The following TUSC3 variants were observed in gnomAD, a reference collection of about 807,000 sequenced individuals.
TUSC3 encodes tumor suppressor candidate 3.
A neutral mutation model predicts 44.8 loss-of-function variants in TUSC3; 45 were observed. The ratio of observed to expected loss-of-function variants is 1.00; its 90% confidence interval spans 0.79 to 1.29. The LOEUF is 1.29. Ranked by LOEUF, TUSC3 falls within the 50% of genes most tolerant of loss-of-function variation. TUSC3 has a pLI of 0.00. For synonymous variants in TUSC3, 212 were observed against 152.9 expected (o/e 1.39, Z -2.85); for missense variants, 519 against 437.9 (o/e 1.19, Z -1.65).
At chr8:15,665,883 C>G (rs1410381778) in intron 5 of TUSC3, among the ~76,000 whole-genome samples, 4 of 151,324 alleles carry the variant, frequency 2.6e-5, no homozygotes, top group Non-Finnish European at 5.9e-5. Flanking sequence ...GATGATTGTT[C>G]ATGGAATAGA....
downstream of TUSC3, among the ~76,000 whole-genome samples, chr8:15,768,942 A>C (rs1812395732): frequency 6.6e-6 from 1 of 152,218 alleles, no homozygotes; most frequent in Admixed American, 6.5e-5. Flanking sequence ...ACACAAATGG[A>C]AACACATTCC....
chr8:15,744,684 A>G (rs1483177418), intron 8 of TUSC3, among the ~76,000 whole-genome samples: 1 of 138,636 alleles, frequency 7.2e-6, no homozygotes, highest in Non-Finnish European at 1.6e-5. Context: ...CATCTATTGT[A>G]TTAAAGAAAC....
At chr8:15,564,331 G>T (rs192153555) in intron 1 of TUSC3, among the ~76,000 whole-genome samples, 1 of 152,138 alleles carries the variant, frequency 6.6e-6, no homozygotes. Flanking sequence ...GTGATTTCTT[G>T]TCTCATTTGA....
chr8:15,716,040 G>C (rs992112875), intron 6 of TUSC3, among the ~76,000 whole-genome samples: 1 of 152,148 alleles, frequency 6.6e-6, no homozygotes, highest in Admixed American at 6.5e-5. Context: ...CGGTTCACTT[G>C]AGATAAGGAG....
chr8:15,484,495 C>G (rs1423811148), intron 2 of TUSC3, among the ~76,000 whole-genome samples: 5 of 152,094 alleles, frequency 3.3e-5, no homozygotes, highest in Non-Finnish European at 5.9e-5. Context: ...CGAAATAATC[C>G]CATAAAAAAT....
rs560586133 is a variant in TUSC3 at position 15,760,454 on chromosome 8, C to T, written c.*46+2599C>T. Among the ~76,000 whole-genome samples the T allele has an allele frequency of 7.9e-5, 12 of 152,210 alleles. No individual in the cohort carries two copies. In the Middle Eastern group the frequency reaches 0.01, roughly 129 times the overall value. On this transcript the variant is annotated intron_variant, in intron 10 of 10. Coordinates refer to ENST00000503731, the MANE Select transcript of TUSC3 (RefSeq NM_006765.4). ...TGCCACAACTATTTTAAGTTTTATG[C>T]CATCCAGCTTTTTATGGTGTATCTT... is the stretch of plus-strand genomic sequence containing the variant.
At position 15,720,201 on chromosome 8, in the gene TUSC3, T is replaced by TATATACACACACAC. The variant is rs369753796; in HGVS notation, c.799-10464_799-10463insTATACACACACACA. On this transcript the variant is annotated intron_variant, in intron 6 of 10. Coordinates refer to ENST00000503731, the MANE Select transcript of TUSC3 (RefSeq NM_006765.4). ...TTGTTAAATATAGTGTATATATATA[T>TATATACACACACAC]ACACACACACACACACACACACACA... Among the ~76,000 whole-genome samples, 371 of 141,636 alleles carry TATATACACACACAC rather than the reference T, an allele frequency of 2.6e-3. 3 individuals carry two copies. The highest frequency in any genetic ancestry group is 9.6e-3 in the African/African-American group (356 of 37,042). The allele number at this position is 141,636 out of a possible 152,430, so 92.9% of individuals were successfully genotyped here.
chr8:15,829,618 T>C, the TUSC3 span, among the ~76,000 whole-genome samples: 2 of 152,108 alleles, frequency 1.3e-5, no homozygotes, highest in African/African-American at 2.4e-5. Flanking sequence ...TAATTTTTTA[T>C]TAGTTTATCA....
At chr8:15,534,984 G>C (rs1432234323) in intron 2 of TUSC3, among the ~76,000 whole-genome samples, 1 of 152,122 alleles carries the variant, frequency 6.6e-6, no homozygotes, top group South Asian at 2.1e-4. Flanking sequence ...TTTCAATTTT[G>C]TCTATTAAGC....
chr8:15,598,393 C>T (rs1804152780), intron 1 of TUSC3, among the ~76,000 whole-genome samples: 1 of 152,006 alleles, frequency 6.6e-6, no homozygotes, highest in South Asian at 2.1e-4. Flanking sequence ...ACACATGCGT[C>T]ATCTCCATCA....
chr8:15,809,674 TTC>T, the TUSC3 span, among the ~76,000 whole-genome samples: 1 of 152,228 alleles, frequency 6.6e-6, no homozygotes, highest in Non-Finnish European at 1.5e-5. Flanking sequence ...TGAATGTAGT[TTC>T]TCTCTCTGTC....
intron 6 of TUSC3, among the ~76,000 whole-genome samples, chr8:15,682,196 G>A (rs948458780): frequency 6.6e-6 from 1 of 152,056 alleles, no homozygotes; most frequent in African/African-American, 2.4e-5. Flanking sequence ...TTGAATTTAA[G>A]TTCAGAATTT....
intron 7 of TUSC3, among the ~76,000 whole-genome samples, chr8:15,741,809 T>TA (rs2129213598): frequency 6.6e-6 from 1 of 152,178 alleles, no homozygotes; most frequent in African/African-American, 2.4e-5. Context: ...ATATAAAAGA[T>TA]ATTGCAGAAA....
At chr8:15,457,821 T>A (rs1478653038) in intron 1 of TUSC3, among the ~76,000 whole-genome samples, 2 of 147,136 alleles carry the variant, frequency 1.4e-5, no homozygotes, top group Non-Finnish European at 3.0e-5. Flanking sequence ...TATTAGATAA[T>A]TAATTATTAA....
intron 6 of TUSC3, among the ~76,000 whole-genome samples, chr8:15,720,525 C>G (rs1323234915): frequency 6.6e-6 from 1 of 152,012 alleles, no homozygotes; most frequent in Non-Finnish European, 1.5e-5. Context: ...ATTTATCATA[C>G]TGTTGTGCTA....
chr8:15,568,005 A>G (rs1368133617), intron 1 of TUSC3, among the ~76,000 whole-genome samples: 2 of 151,984 alleles, frequency 1.3e-5, no homozygotes, highest in Admixed American at 6.6e-5. Flanking sequence ...CCCCTTTTCT[A>G]TGGCCACATT....
chr8:15,640,197 A>G (rs953769995), intron 2 of TUSC3, among the ~76,000 whole-genome samples: 2 of 152,176 alleles, frequency 1.3e-5, no homozygotes, highest in Non-Finnish European at 2.9e-5. Flanking sequence ...CATCTACATG[A>G]CCAACCTTCT....
At chr8:15,459,896 A>ATACG (rs1563256844) in intron 1 of TUSC3, among the ~76,000 whole-genome samples, 1 of 151,918 alleles carries the variant, frequency 6.6e-6, no homozygotes, top group East Asian at 1.9e-4. Flanking sequence ...ACATACATAC[A>ATACG]TACATACACA....
At chr8:15,727,662 C>A (rs1166360743) in intron 6 of TUSC3, among the ~76,000 whole-genome samples, 3 of 152,120 alleles carry the variant, frequency 2.0e-5, no homozygotes, top group African/African-American at 7.2e-5. Flanking sequence ...GTTCAGCACA[C>A]TAAGTTCACT....
Sources: gnomAD v4.1 joint callset for allele counts (sites outside exome capture counted in the v4.1 genomes callset) on GRCh38, gnomAD v4.1.1 for gene constraint, MANE v1.5 for transcripts, NCBI Gene and HGNC (gene_info 2026-07-23, HGNC 2026-07-21) for gene names.